Variants in SPATS2 observed in about 807,000 individuals in gnomAD.
SPATS2 encodes the protein spermatogenesis-associated serine-rich protein 2.
A neutral mutation model predicts 63.7 loss-of-function variants in SPATS2; 38 were observed. The observed-to-expected ratio is 0.60, with a 90% CI of 0.46 to 0.78. SPATS2 has a LOEUF of 0.78. Among genes scored for constraint, SPATS2 ranks in the 30% least tolerant of loss-of-function variants. The pLI is 0.00. For synonymous variants in SPATS2, 207 were observed against 232.9 expected (o/e 0.89, Z 1.01); for missense variants, 588 against 666.2 (o/e 0.88, Z 1.29).
intron 13 of SPATS2, among the ~76,000 whole-genome samples, 178 bp from the exon 14 acceptor site, chr12:49,525,766 A>G (rs187678385): frequency 1.5e-3 from 228 of 152,332 alleles, no homozygotes; most frequent in African/African-American, 5.2e-3. Flanking sequence ...GGAAAGATGG[A>G]TTAGTTCTGA....
intron 2 of SPATS2, among the ~76,000 whole-genome samples, chr12:49,451,892 GT>G (rs1422970652): frequency 1.3e-5 from 2 of 152,270 alleles, no homozygotes; most frequent in East Asian, 3.9e-4. Flanking sequence ...CAAATTCTTG[GT>G]TGCTGGTTTT....
chr12:49,426,840 G>A (rs1056905252), intron 2 of SPATS2, among the ~76,000 whole-genome samples: 12 of 152,192 alleles, frequency 7.9e-5, no homozygotes, highest in African/African-American at 2.9e-4. Context: ...ACCGTGCCCA[G>A]CCTGTATCAT....
At position 49,460,933 on chromosome 12, in the gene SPATS2, T is replaced by C; in HGVS notation, c.-80T>C. On this transcript the variant is annotated 5_prime_UTR_variant, in exon 3 of 14. Transcript: ENST00000552918. ...CACACTTCCGTTGCCCACTTTTAAATCAGAGATACCTACACTCAAAACCCA... is the reference window on the plus strand; with the variant it reads ...CACACTTCCGTTGCCCACTTTTAAACCAGAGATACCTACACTCAAAACCCA... The C allele has an allele frequency of 6.4e-7, 1 of 1,555,216 alleles. No homozygotes were observed. The highest frequency in any genetic ancestry group is 1.2e-5 in the South Asian group (1 of 86,638).
Position 49,497,605 on chromosome 12 carries a change from A to G in SPATS2, c.703+596A>G, listed in dbSNP as rs192656710. Among the ~76,000 whole-genome samples the G allele has an allele frequency of 2.4e-3, 364 of 152,126 alleles. 1 individual carries two copies. Among genetic ancestry groups the G allele is most frequent in the Admixed American group, 0.011 (173 of 15,274 alleles). Reference sequence around the variant, plus strand: ...GAGATGGGGTTTCGCCGTGTTAGCCAGGATGGTCTCGATCTCCTGACCTCG... The same window carrying G: ...GAGATGGGGTTTCGCCGTGTTAGCCGGGATGGTCTCGATCTCCTGACCTCG... On this transcript the variant is annotated intron_variant, in intron 8 of 13. Transcript: ENST00000552918.
intron 2 of SPATS2, among the ~76,000 whole-genome samples, chr12:49,427,209 A>C (rs1945095613): frequency 6.6e-6 from 1 of 152,204 alleles, no homozygotes; most frequent in African/African-American, 2.4e-5. Flanking sequence ...TCCCAAAGTA[A>C]ACTTTTCAAA....
At chr12:49,402,297 T>G (rs564615665) in intron 2 of SPATS2, among the ~76,000 whole-genome samples, 1 of 152,332 alleles carries the variant, frequency 6.6e-6, no homozygotes, top group Non-Finnish European at 1.5e-5. Context: ...AAGGGAATGA[T>G]TATAATGATG....
intron 2 of SPATS2, among the ~76,000 whole-genome samples, chr12:49,394,189 T>A (rs1944467189): frequency 6.6e-6 from 1 of 151,916 alleles, no homozygotes; most frequent in African/African-American, 2.4e-5. Context: ...AATACAAAAA[T>A]TAGCCGGGCT....
intron 2 of SPATS2, among the ~76,000 whole-genome samples, chr12:49,380,655 G>A (rs757441604): frequency 3.4e-4 from 51 of 151,760 alleles, no homozygotes; most frequent in Non-Finnish European, 6.2e-4. Context: ...GCAGTGAGCC[G>A]AGATGGCACC....
chr12:49,492,911 C>T (rs1367017045), intron 6 of SPATS2, among the ~76,000 whole-genome samples: 2 of 151,914 alleles, frequency 1.3e-5, no homozygotes, highest in Non-Finnish European at 2.9e-5. Flanking sequence ...GCCTGGCCAA[C>T]ATGGTGAAAC....
intron 3 of SPATS2, among the ~76,000 whole-genome samples, chr12:49,467,543 A>G (rs571346510): frequency 5.3e-5 from 8 of 152,176 alleles, no homozygotes; most frequent in Non-Finnish European, 8.8e-5. Context: ...AGATTAGGGA[A>G]GGATGAGATC....
intron 4 of SPATS2, among the ~76,000 whole-genome samples, chr12:49,484,935 G>T (rs1946264084): frequency 6.6e-6 from 1 of 152,130 alleles, no homozygotes; most frequent in African/African-American, 2.4e-5. Context: ...TTAATTAGTT[G>T]ATTAATATTT....
Position 49,371,302 on chromosome 12 carries a change from C to A in SPATS2, c.-244+12C>A, listed in dbSNP as rs1168946438. On this transcript the variant is annotated intron_variant, in intron 2 of 13. Transcript: ENST00000552918. Reference sequence around the variant, plus strand: ...TGGTTACCTCATATGTAAGTGGAATCATACAATATTTACTTTTTTGTGTCT... The same window carrying A: ...TGGTTACCTCATATGTAAGTGGAATAATACAATATTTACTTTTTTGTGTCT... The A allele has an allele frequency of 6.6e-6, 1 of 152,214 alleles. No individual in the cohort carries two copies. The highest frequency in any genetic ancestry group is 1.5e-5 in the Non-Finnish European group (1 of 68,040). The allele number at this position is 152,214 out of a possible 1,614,324, so 9.4% of individuals were successfully genotyped here.
intron 1 of SPATS2, among the ~76,000 whole-genome samples, chr12:49,370,447 A>G (rs1214047475): frequency 6.6e-6 from 1 of 152,214 alleles, no homozygotes; most frequent in Non-Finnish European, 1.5e-5. Flanking sequence ...TCCATTCATT[A>G]TATTACCAAA....
At chr12:49,498,305 A>G (rs533245146) in intron 8 of SPATS2, among the ~76,000 whole-genome samples, 3 of 152,042 alleles carry the variant, frequency 2.0e-5, no homozygotes, top group South Asian at 4.1e-4. Context: ...GTTTCCAGCA[A>G]TCAATTATAT....
chr12:49,457,318 T>A (rs1945736415), intron 2 of SPATS2, among the ~76,000 whole-genome samples: 1 of 152,220 alleles, frequency 6.6e-6, no homozygotes, highest in Admixed American at 6.5e-5. Flanking sequence ...TGGATAGCTC[T>A]GTTTGCAGCT....
chr12:49,502,799 T>C lies in SPATS2; in HGVS notation c.839+2594T>C, dbSNP rs536304633. Among the ~76,000 whole-genome samples, 7 of 152,258 alleles carry C rather than the reference T, an allele frequency of 4.6e-5. No homozygotes were observed. The South Asian group carries it at 1.4e-3, about 31-fold the overall frequency. ...ACACATATTTTTGCTCCTGCCAGAT[T>C]ACTCATTGTCTCAAAACTTAACATT... On this transcript the variant is annotated intron_variant, in intron 9 of 13. Transcript: ENST00000552918.
chr12:49,390,192 A>T, intron 2 of SPATS2: 13 of 1,350,854 alleles, frequency 9.6e-6, no homozygotes, highest in Non-Finnish European at 1.2e-5. Flanking sequence ...TGAGCTTCTT[A>T]CATGGCTCCC....
chr12:49,384,903 G>A (rs1482998089), intron 2 of SPATS2, among the ~76,000 whole-genome samples: 6 of 151,884 alleles, frequency 4.0e-5, no homozygotes, highest in South Asian at 2.1e-4. Context: ...TTCGCTTCCC[G>A]GGTTCAAGCA....
chr12:49,437,575 C>A (rs1461273194), intron 2 of SPATS2, among the ~76,000 whole-genome samples: 12 of 152,212 alleles, frequency 7.9e-5, no homozygotes, highest in Admixed American at 7.2e-4. Flanking sequence ...GTCTGCCATC[C>A]CGGCACCTCG....
Sources: gnomAD v4.1 joint callset for allele counts (sites outside exome capture counted in the v4.1 genomes callset) on GRCh38, gnomAD v4.1.1 for gene constraint, MANE v1.5 for transcripts, NCBI Gene and HGNC (gene_info 2026-07-23, HGNC 2026-07-21) for gene names.